Variants in POLR1C observed in about 807,000 individuals in gnomAD.
POLR1C encodes the protein RNA polymerase I and III subunit C.
A neutral mutation model predicts 38.3 loss-of-function variants in POLR1C; 42 were observed. That is an observed-to-expected ratio of 1.10 (90% CI 0.86 to 1.42). The LOEUF is 1.42. POLR1C is among the 40% of genes most tolerant of loss of function. The pLI is 0.00. For missense variants in POLR1C, 507 were observed against 450.5 expected, an observed-to-expected ratio of 1.13 and a Z score of -1.14; for synonymous variants, 163 against 163.9, an observed-to-expected ratio of 0.99 and a Z score of 0.04.
At chr6:43,549,957 G>C (rs999339501) in intron 9 of POLR1C, 1 of 1,609,994 alleles carries the variant, frequency 6.2e-7, no homozygotes, top group Non-Finnish European at 8.5e-7. Flanking sequence ...AGGAAAAAAG[G>C]TCACTCATGT....
At chr6:43,524,020 T>A, downstream of POLR1C, 1 of 1,609,566 alleles carries the variant, frequency 6.2e-7, no homozygotes, top group South Asian at 1.1e-5. Flanking sequence ...GGAAAACAAA[T>A]GAGAAAGAAT....
intron 10 of POLR1C, chr6:43,553,522 C>CACAT (rs759094901): frequency 6.5e-7 from 1 of 1,541,330 alleles, no homozygotes; most frequent in South Asian, 1.2e-5. Context: ...CACACACACA[C>CACAT]ACATACACAC....
At chr6:43,538,137 A>AT (rs1794460458) in intron 9 of POLR1C, among the ~76,000 whole-genome samples, 1 of 105,630 alleles carries the variant, frequency 9.5e-6, no homozygotes, top group Non-Finnish European at 1.8e-5. Flanking sequence ...CCTAAGAGAC[A>AT]TCTTTTTTTT....
At chr6:43,539,840 T>G (rs1274776090) in intron 9 of POLR1C, 1 of 521,978 alleles carries the variant, frequency 1.9e-6, no homozygotes, top group Non-Finnish European at 3.3e-6. Flanking sequence ...TTTGGTCTAA[T>G]TTAACTACTA....
downstream of POLR1C, chr6:43,523,599 CT>C: frequency 3.0e-6 from 2 of 666,778 alleles, no homozygotes; most frequent in Non-Finnish European, 5.7e-6. Flanking sequence ...TCTAGCTTTT[CT>C]TGGAAAAGCC....
intron 9 of POLR1C, among the ~76,000 whole-genome samples, chr6:43,545,738 T>C (rs1037918461): frequency 2.0e-5 from 3 of 151,434 alleles, no homozygotes; most frequent in African/African-American, 7.3e-5. Flanking sequence ...AAAAAACCAA[T>C]CCTGTGAGAT....
chr6:43,561,256 G>A, intron 10 of POLR1C: 1 of 392,474 alleles, frequency 2.5e-6, no homozygotes. Context: ...TGGTCAAACA[G>A]TAAAATAAAA....
chr6:43,521,442 T>C lies in POLR1C; in HGVS notation c.*142T>C, dbSNP rs770551613. The C allele has an allele frequency of 6.5e-7, 1 of 1,532,494 alleles. No individual in the cohort carries two copies. Among genetic ancestry groups the C allele is most frequent in the Admixed American group, 2.0e-5 (1 of 50,502 alleles). The allele number at this position is 1,532,494 out of a possible 1,614,324, so 94.9% of individuals were successfully genotyped here. A position where few individuals can be genotyped will look rare whatever the true frequency, so the allele number is the denominator to read the frequency against. ...GCTTTAATCAATACATTTTGTTAAA[T>C]GTGCCATAAAATGAGACTTTTTACG... On this transcript the variant is annotated 3_prime_UTR_variant, in exon 9 of 9. Transcript: ENST00000642195.
intron 9 of POLR1C, among the ~76,000 whole-genome samples, chr6:43,542,330 T>C (rs1015873412): frequency 5.9e-5 from 9 of 152,290 alleles, no homozygotes; most frequent in South Asian, 4.1e-4. Flanking sequence ...ATCAGATTAT[T>C]TGACGCAGGA....
chr6:43,553,659 G>A, intron 10 of POLR1C: 2 of 1,388,364 alleles, frequency 1.4e-6, no homozygotes, highest in African/African-American at 1.5e-5. Flanking sequence ...CTCTCAGCTG[G>A]GGCAAAGAAA....
chr6:43,534,681 T>C (rs954854774), intron 9 of POLR1C, among the ~76,000 whole-genome samples: 6 of 152,088 alleles, frequency 3.9e-5, no homozygotes, highest in African/African-American at 9.7e-5. Context: ...TAAACCTCCA[T>C]AGTTTGTTCT....
At chr6:43,523,875 T>G, downstream of POLR1C, 1 of 1,614,006 alleles carries the variant, frequency 6.2e-7, no homozygotes, top group East Asian at 2.2e-5. Flanking sequence ...GATTCAGGGT[T>G]CAAAGATGGT....
At chr6:43,517,411 T>A (rs548236383) in intron 2 of POLR1C, 34 bp downstream of exon 2, 1 of 1,579,148 alleles carries the variant, frequency 6.3e-7, no homozygotes, top group East Asian at 2.2e-5. Flanking sequence ...GGGAGGGTTA[T>A]GAAGGCCAGA....
chr6:43,520,655 C>T lies in POLR1C; in HGVS notation c.686C>T (p.Ala229Val). ...GATCATGCCAAGTTTTCACCAGTGGCAACAGCCAGTTACAGGCTCCTGCCA... is the reference window on the plus strand; with the variant it reads ...GATCATGCCAAGTTTTCACCAGTGGTAACAGCCAGTTACAGGCTCCTGCCA... The part of the protein sequence containing the change: ...GKDHAKFSPV[A>V]TASYRLLPDI... The change falls in exon 7 of 9, where the codon GCA becomes GTA. Residue 229 changes from alanine to valine, a missense_variant. Ala to Val is a moderately conservative substitution (Grantham distance 64). Coordinates refer to ENST00000642195, the MANE Select transcript of POLR1C (RefSeq NM_203290.4). The T allele has an allele frequency of 6.2e-7, 1 of 1,614,180 alleles. No individual in the cohort carries two copies. Among genetic ancestry groups the T allele is most frequent in the Non-Finnish European group, 8.5e-7 (1 of 1,180,030 alleles).
rs1793785949 is a variant in POLR1C at position 43,529,171 on chromosome 6, A to G, written c.923-78A>G. 7 of 1,474,688 alleles carry G rather than the reference A, an allele frequency of 4.7e-6. No individual in the cohort carries two copies. In the East Asian group the frequency reaches 2.0e-4, roughly 41 times the overall value. The allele number at this position is 1,474,688 out of a possible 1,614,324, so 91.4% of individuals were successfully genotyped here. The stretch of plus-strand genomic sequence containing the variant: ...GGCTGCACATTATGGTCACTGGCCC[A>G]AAAAGTAGGAATAAAAAAATAGGAA... On this transcript the variant is annotated intron_variant, in intron 8 of 8. Coordinates refer to the POLR1C transcript ENST00000304004.
At chr6:43,521,947 G>T (rs1368747959), downstream of POLR1C, among the ~76,000 whole-genome samples, 1 of 152,188 alleles carries the variant, frequency 6.6e-6, no homozygotes, top group Non-Finnish European at 1.5e-5. Context: ...AACACCTCCT[G>T]AGAATTGGCA....
intron 9 of POLR1C, among the ~76,000 whole-genome samples, chr6:43,537,332 C>G (rs1257559178): frequency 6.6e-6 from 1 of 152,076 alleles, no homozygotes; most frequent in East Asian, 1.9e-4. Context: ...ACCTGGGAGT[C>G]TTTTAAAGGC....
intron 10 of POLR1C, chr6:43,561,002 T>G (rs1161957222): frequency 2.5e-6 from 4 of 1,613,736 alleles, no homozygotes; most frequent in South Asian, 2.2e-5. Context: ...CATCAGAATC[T>G]GCACCCTGTA....
chr6:43,561,244 T>C (rs1762399014), intron 10 of POLR1C, among the ~76,000 whole-genome samples: 1 of 152,204 alleles, frequency 6.6e-6, no homozygotes. Flanking sequence ...AAACCCATTC[T>C]GTGGTCAAAC....
Sources: allele counts gnomAD v4.1 joint callset (sites outside exome capture counted in the v4.1 genomes callset), GRCh38; gene constraint gnomAD v4.1.1; transcripts MANE v1.5; gene names NCBI Gene and HGNC (gene_info 2026-07-23, HGNC 2026-07-21).